SEMA4D: variants seen among roughly 807,000 people sequenced by gnomAD.
SEMA4D encodes semaphorin 4D, also known as semaphorin-4D.
A neutral mutation model predicts 74.8 loss-of-function variants in SEMA4D; 22 were observed. The observed-to-expected ratio is 0.29, with a 90% CI of 0.21 to 0.42. The LOEUF is 0.42. Among genes scored for constraint, SEMA4D ranks in the 10% least tolerant of loss-of-function variants. SEMA4D has a pLI of 1.00. For synonymous variants in SEMA4D, 445 were observed against 463.7 expected (o/e 0.96, Z 0.52); for missense variants, 937 against 1,118.4 (o/e 0.84, Z 2.31).
Position 89,371,600 on chromosome 9 carries a change from G to A in SEMA4D, c.1882+5233C>T, listed in dbSNP as rs370107787. 5.9e-3 allele frequency among the ~76,000 whole-genome samples: 511 copies of A among 87,190 alleles called. 19 individuals are homozygous for A. Among genetic ancestry groups the A allele is most frequent in the South Asian group, 0.012 (23 of 1,870 alleles). 57.2% of individuals were successfully genotyped at this position (87,190 alleles called of 152,430 possible). On this transcript the variant is annotated intron_variant, in intron 16 of 18. Transcript: ENST00000339861. ...TGTCTGGGGTGTGGTGTGTGTCTGG[G>A]GTGTGGTGTGTGTCGGGTGTGTGTG...
At chr9:89,416,254 G>A (rs1245453999) in intron 2 of SEMA4D, among the ~76,000 whole-genome samples, 1 of 152,210 alleles carries the variant, frequency 6.6e-6, no homozygotes, top group East Asian at 1.9e-4. Context: ...AGCAAACTAT[G>A]TGTGCACAGC....
chr9:89,471,244 T>C (rs1324852450), intron 1 of SEMA4D, among the ~76,000 whole-genome samples: 1 of 152,142 alleles, frequency 6.6e-6, no homozygotes, highest in African/African-American at 2.4e-5. Flanking sequence ...GTACAGAGTT[T>C]CCATTTGGGA....
chr9:89,386,597 C>T, intron 12 of SEMA4D, 115 bp from the exon 13 acceptor site: 1 of 635,962 alleles, frequency 1.6e-6, no homozygotes, highest in Non-Finnish European at 2.8e-6. Flanking sequence ...TCCACAGATA[C>T]TTAGAAAACA....
chr9:89,373,453 A>G (rs1194998339), downstream of SEMA4D, among the ~76,000 whole-genome samples: 1 of 152,166 alleles, frequency 6.6e-6, no homozygotes, highest in Non-Finnish European at 1.5e-5. Context: ...CCCCAAGTGC[A>G]ACCCTGACCA....
At chr9:89,471,602 TCAGGTGCACGCCAGC>T (rs1860271354) in intron 1 of SEMA4D, among the ~76,000 whole-genome samples, 1 of 115,672 alleles carries the variant, frequency 8.6e-6, no homozygotes, top group Non-Finnish European at 2.1e-5. Context: ...GCATGCCAGC[TCAGGTGCACGCCAGC>T]TCAGGTGCAT....
intron 2 of SEMA4D, among the ~76,000 whole-genome samples, chr9:89,449,076 GA>G (rs1310042296): frequency 3.3e-5 from 5 of 152,196 alleles, no homozygotes; most frequent in African/African-American, 1.2e-4. Context: ...AAACAAGGGA[GA>G]CACAAGCCCG....
At chr9:89,446,068 G>A (rs1443711597) in intron 2 of SEMA4D, among the ~76,000 whole-genome samples, 1 of 152,062 alleles carries the variant, frequency 6.6e-6, no homozygotes, top group Non-Finnish European at 1.5e-5. Context: ...TTAGTCTACC[G>A]ATTCTCATGT....
intron 2 of SEMA4D, among the ~76,000 whole-genome samples, chr9:89,424,185 C>T (rs188441154): frequency 6.6e-6 from 1 of 152,318 alleles, no homozygotes; most frequent in East Asian, 1.9e-4. Flanking sequence ...GGGTAAGACA[C>T]AGCCCTACCA....
chr9:89,372,431 C>G (rs976951086), downstream of SEMA4D, among the ~76,000 whole-genome samples: 9 of 151,406 alleles, frequency 5.9e-5, no homozygotes, highest in Non-Finnish European at 1.3e-4. Context: ...GTGTGTGTCC[C>G]TGCCCGTCCT....
intron 2 of SEMA4D, among the ~76,000 whole-genome samples, chr9:89,452,793 C>A (rs527892895): frequency 3.4e-4 from 52 of 152,338 alleles, no homozygotes; most frequent in Non-Finnish European, 5.7e-4. Context: ...ACGGCTTGAC[C>A]ATGCTTCCTC....
rs1023721865 is a variant in SEMA4D, at chr9:89,449,782, C to T, written c.-244+6106G>A. 2.7e-6 allele frequency: 4 copies of T among 1,505,562 alleles called. No individual in the cohort carries two copies. The African/African-American group carries it at 4.1e-5, about 16-fold the overall frequency. The allele number at this position is 1,505,562 out of a possible 1,614,324, so 93.3% of individuals were successfully genotyped here. ...GAAAAAGAGATGAAGAAACGTATTG[C>T]TTTTCCCACCAGCATTTTGGTAAAT... On this transcript the variant is annotated intron_variant, in intron 2 of 15. Transcript: ENST00000422704.
chr9:89,457,329 G>C (rs1324340479), intron 1 of SEMA4D, among the ~76,000 whole-genome samples: 1 of 152,132 alleles, frequency 6.6e-6, no homozygotes, highest in Non-Finnish European at 1.5e-5. Flanking sequence ...TACACCATGA[G>C]GGTGCTTCCT....
intron 15 of SEMA4D, 72 bp from the exon 16 acceptor site, chr9:89,379,701 C>T: frequency 6.7e-7 from 1 of 1,494,658 alleles, no homozygotes; most frequent in Non-Finnish European, 9.0e-7. Flanking sequence ...TTTAAAATAC[C>T]CACAAGATGA....
chr9:89,495,343 C>T (rs1350784913), intron 1 of SEMA4D, among the ~76,000 whole-genome samples: 1 of 152,196 alleles, frequency 6.6e-6, no homozygotes, highest in African/African-American at 2.4e-5. Flanking sequence ...AACTAGTGCA[C>T]CTAAAACACC....
chr9:89,455,322 C>T (rs921668405), intron 2 of SEMA4D, among the ~76,000 whole-genome samples: 10 of 152,348 alleles, frequency 6.6e-5, no homozygotes, highest in South Asian at 2.1e-4. Context: ...GGGCTGTCCC[C>T]GGTCCACCTC....
intron 2 of SEMA4D, among the ~76,000 whole-genome samples, chr9:89,440,200 C>T (rs573128370): frequency 6.6e-6 from 1 of 152,156 alleles, no homozygotes; most frequent in Non-Finnish European, 1.5e-5. Flanking sequence ...GTGGTGCTGG[C>T]TCCTCTGCCC....
chr9:89,397,413 G>C (rs1841220786), intron 5 of SEMA4D, among the ~76,000 whole-genome samples: 1 of 152,220 alleles, frequency 6.6e-6, no homozygotes, highest in Admixed American at 6.5e-5. Flanking sequence ...AGCGACACTA[G>C]GTCTACCCAA....
At chr9:89,458,025 T>C (rs533552171) in intron 1 of SEMA4D, among the ~76,000 whole-genome samples, 2 of 152,272 alleles carry the variant, frequency 1.3e-5, no homozygotes, top group Admixed American at 1.3e-4. Flanking sequence ...AGAGCGAGAC[T>C]GGGTCTCAAA....
intron 1 of SEMA4D, among the ~76,000 whole-genome samples, chr9:89,494,437 C>G (rs112595737): frequency 0.016 from 2,504 of 152,318 alleles, 32 homozygotes; most frequent in Non-Finnish European, 0.025. Flanking sequence ...CCATAATGAT[C>G]TGCTGAATAC....
Sources: gnomAD v4.1 joint callset for allele counts (sites outside exome capture counted in the v4.1 genomes callset) on GRCh38, gnomAD v4.1.1 for gene constraint, MANE v1.5 for transcripts, NCBI Gene and HGNC (gene_info 2026-07-23, HGNC 2026-07-21) for gene names.